The following KLHL2 variants were observed in gnomAD, a reference collection of about 807,000 sequenced individuals.
KLHL2 encodes the protein kelch like family member 2.
Under a neutral mutation model 75.8 loss-of-function variants are expected in KLHL2, and 15 were observed. The observed-to-expected ratio is 0.20, with a 90% confidence interval of 0.13 to 0.30. KLHL2 has a LOEUF of 0.30. KLHL2 is among the 10% of genes least tolerant of loss of function. The pLI, the probability that KLHL2 is intolerant of heterozygous loss-of-function variation, is 1.00. For synonymous variants in KLHL2, 214 were observed against 251.9 expected (o/e 0.85, Z 1.42); for missense variants, 381 against 741.0 (o/e 0.51, Z 5.64).
chr4:165,247,784 A>C (rs1234100237), intron 4 of KLHL2, among the ~76,000 whole-genome samples: 1 of 152,250 alleles, frequency 6.6e-6, no homozygotes, highest in African/African-American at 2.4e-5. Flanking sequence ...TGAACTAAAC[A>C]TGATAAATCA....
At chr4:165,280,087 G>C (rs181903770) in intron 5 of KLHL2, among the ~76,000 whole-genome samples, 1 of 152,126 alleles carries the variant, frequency 6.6e-6, no homozygotes, top group Non-Finnish European at 1.5e-5. Flanking sequence ...TCATTCTCTT[G>C]TATTTCTTCA....
intron 1 of KLHL2, chr4:165,209,909 C>T (rs1335687159): frequency 1.1e-6 from 1 of 888,608 alleles, no homozygotes; most frequent in Non-Finnish European, 1.6e-6. Flanking sequence ...TCCTTGCCAC[C>T]CCTTGGCCTG....
intron 5 of KLHL2, among the ~76,000 whole-genome samples, chr4:165,263,802 A>ATT (rs1313576886): frequency 7.5e-5 from 7 of 93,530 alleles, no homozygotes; most frequent in Non-Finnish European, 1.4e-4. Flanking sequence ...GATTTTTTAC[A>ATT]TTGTTTTTTT....
chr4:165,282,341 A>T (rs1743756302), intron 5 of KLHL2, among the ~76,000 whole-genome samples: 2 of 152,228 alleles, frequency 1.3e-5, no homozygotes, highest in Non-Finnish European at 2.9e-5. Context: ...ACTGAAACGG[A>T]AGAATTTTTC....
intron 9 of KLHL2, among the ~76,000 whole-genome samples, chr4:165,309,528 G>T (rs1320967148): frequency 6.6e-6 from 1 of 152,114 alleles, no homozygotes; most frequent in African/African-American, 2.4e-5. Flanking sequence ...AGTATTTTAG[G>T]CTTTGTGGTT....
chr4:165,214,753 G>A (rs375019863), intron 1 of KLHL2, among the ~76,000 whole-genome samples: 93 of 152,228 alleles, frequency 6.1e-4, no homozygotes, highest in Middle Eastern at 6.8e-3. Flanking sequence ...AGTAAAGTTT[G>A]GCAATTCAAG....
intron 12 of KLHL2, among the ~76,000 whole-genome samples, chr4:165,313,651 T>A (rs1470464887): frequency 6.6e-6 from 1 of 152,212 alleles, no homozygotes; most frequent in Admixed American, 6.5e-5. Flanking sequence ...TTGGGGAACT[T>A]GCTTAATAAT....
At chr4:165,292,330 T>G (rs1475944150) in intron 5 of KLHL2, among the ~76,000 whole-genome samples, 2 of 143,848 alleles carry the variant, frequency 1.4e-5, no homozygotes, top group African/African-American at 2.5e-5. Flanking sequence ...TATCTTGGGG[T>G]GAACTTTTTT....
chr4:165,258,996 A>G (rs932279304), intron 4 of KLHL2, among the ~76,000 whole-genome samples: 4 of 152,152 alleles, frequency 2.6e-5, no homozygotes, highest in East Asian at 3.8e-4. Flanking sequence ...CAGTGAGTCA[A>G]TTTTTGCTTA....
At chr4:165,276,015 C>G (rs1325943454) in intron 5 of KLHL2, among the ~76,000 whole-genome samples, 19 of 151,652 alleles carry the variant, frequency 1.3e-4, no homozygotes. Flanking sequence ...GTAGTCCCAG[C>G]TATTTGGGAG....
At chr4:165,299,261 C>A (rs548549023) in intron 7 of KLHL2, among the ~76,000 whole-genome samples, 2 of 152,256 alleles carry the variant, frequency 1.3e-5, no homozygotes, top group East Asian at 1.9e-4. Context: ...TGAAGTTTAT[C>A]ATTTTTCACT....
chr4:165,297,306 CATTT>C (rs1379502025), intron 6 of KLHL2, among the ~76,000 whole-genome samples: 2 of 151,894 alleles, frequency 1.3e-5, no homozygotes, highest in African/African-American at 4.8e-5. Flanking sequence ...TATGGTCTAA[CATTT>C]GTTTGTAAAC....
At chr4:165,302,864 C>G (rs566758575) in intron 8 of KLHL2, among the ~76,000 whole-genome samples, 3 of 152,158 alleles carry the variant, frequency 2.0e-5, no homozygotes, top group Non-Finnish European at 4.4e-5. Flanking sequence ...TAACCTCCTA[C>G]CCCTTGCCCT....
intron 5 of KLHL2, among the ~76,000 whole-genome samples, chr4:165,272,369 C>T (rs1222691871): frequency 2.0e-5 from 3 of 152,104 alleles, no homozygotes; most frequent in Non-Finnish European, 4.4e-5. Flanking sequence ...GCAAGCAATT[C>T]TGTTCAACTA....
chr4:165,305,411 A>G (rs560477475), intron 8 of KLHL2, among the ~76,000 whole-genome samples, 197 bp from the exon 9 acceptor site: 47 of 152,268 alleles, frequency 3.1e-4, no homozygotes, highest in Non-Finnish European at 5.6e-4. Context: ...GTGCTGGACG[A>G]TAGAATTGTA....
intron 7 of KLHL2, among the ~76,000 whole-genome samples, chr4:165,298,480 GT>G (rs142371095): frequency 6.6e-6 from 1 of 151,716 alleles, no homozygotes; most frequent in Non-Finnish European, 1.5e-5. Context: ...TAAATTTACT[GT>G]TTTTTTTATT....
intron 4 of KLHL2, among the ~76,000 whole-genome samples, chr4:165,244,025 A>G (rs1740026209): frequency 6.6e-6 from 1 of 151,932 alleles, no homozygotes; most frequent in South Asian, 2.1e-4. Flanking sequence ...CACAAACCAC[A>G]CCATAATCAT....
chr4:165,271,088 C>A (rs1417778428), intron 5 of KLHL2, among the ~76,000 whole-genome samples: 2 of 151,990 alleles, frequency 1.3e-5, no homozygotes, highest in Non-Finnish European at 2.9e-5. Flanking sequence ...AATGTCATGC[C>A]TCTAGATTTG....
chr4:165,272,966 T>C (rs1346913169), intron 5 of KLHL2, among the ~76,000 whole-genome samples: 1 of 152,232 alleles, frequency 6.6e-6, no homozygotes. Flanking sequence ...AATCTAGCTT[T>C]AAAGGATGTA....
Sources: allele counts gnomAD v4.1 joint callset (sites outside exome capture counted in the v4.1 genomes callset), GRCh38; gene constraint gnomAD v4.1.1; transcripts MANE v1.5; gene names NCBI Gene and HGNC (gene_info 2026-07-23, HGNC 2026-07-21).